The following TLL1 variants were observed in gnomAD, a reference collection of about 807,000 sequenced individuals.
TLL1 encodes the protein tolloid like 1, also known as tolloid-like protein 1.
A neutral mutation model predicts 128.2 loss-of-function variants in TLL1; 49 were observed. The ratio of observed to expected loss-of-function variants is 0.38; its 90% CI spans 0.30 to 0.48. The LOEUF (loss-of-function observed/expected upper bound fraction) is 0.48, where lower values mean the gene tolerates loss of function less well. TLL1 is among the 20% of genes least tolerant of loss of function. TLL1 has a pLI of 0.96. For synonymous variants in TLL1, 454 were observed against 418.8 expected (o/e 1.08, Z -1.03); for missense variants, 1,123 against 1,242.0 (o/e 0.90, Z 1.44).
chr4:165,963,393 C>T (rs1052099366), intron 1 of TLL1, among the ~76,000 whole-genome samples: 2 of 152,110 alleles, frequency 1.3e-5, no homozygotes, highest in Non-Finnish European at 2.9e-5. Flanking sequence ...ATTCCATATT[C>T]TTGAACAAAG....
chr4:166,024,703 T>A (rs1738413111), intron 8 of TLL1, among the ~76,000 whole-genome samples: 1 of 152,222 alleles, frequency 6.6e-6, no homozygotes, highest in Non-Finnish European at 1.5e-5. Flanking sequence ...ATTGCTTTTT[T>A]AGCAATTTCT....
chr4:166,003,902 T>C (rs1261641313), intron 6 of TLL1, among the ~76,000 whole-genome samples: 2 of 152,176 alleles, frequency 1.3e-5, no homozygotes, highest in South Asian at 2.1e-4. Flanking sequence ...AAGCATTTTT[T>C]GTACTTAGTT....
intron 5 of TLL1, 39 bp from the exon 6 acceptor site, chr4:166,003,352 A>G (rs776787827): frequency 6.2e-7 from 1 of 1,610,720 alleles, no homozygotes; most frequent in East Asian, 2.2e-5. Flanking sequence ...GTCCAGCACC[A>G]CCTTTCCACC....
chr4:165,883,148 C>G (rs371288393), intron 1 of TLL1, among the ~76,000 whole-genome samples: 54 of 152,066 alleles, frequency 3.6e-4, no homozygotes, highest in African/African-American at 1.3e-3. Flanking sequence ...CTGTATGCTT[C>G]AAAAACAAGT....
intron 1 of TLL1, among the ~76,000 whole-genome samples, chr4:165,907,135 A>G (rs1732296705): frequency 6.6e-6 from 1 of 152,202 alleles, no homozygotes; most frequent in Admixed American, 6.5e-5. Flanking sequence ...AAGAACATAC[A>G]GTTTTGTGTT....
At chr4:165,984,702 G>T (rs1736321446) in intron 1 of TLL1, among the ~76,000 whole-genome samples, 1 of 151,934 alleles carries the variant, frequency 6.6e-6, no homozygotes, top group African/African-American at 2.4e-5. Context: ...TCAAGATAAT[G>T]AATCTTCTAG....
chr4:165,995,274 C>T (rs921278477), intron 5 of TLL1, 96 bp downstream of exon 5: 4 of 996,728 alleles, frequency 4.0e-6, no homozygotes, highest in Non-Finnish European at 6.4e-6. Context: ...TTAAGATTTG[C>T]TTTGTATTTT....
rs761364561 is a variant in TLL1, at chr4:165,992,847, C to T, written c.324C>T (p.Leu108=). The part of the protein sequence containing the change: ...DHAMSKKRGA[L]YQLIDRIRRI... ...CTATGTCAAAGAAGCGAGGGGCCCT[C>T]TACCAACTTATAGACAGGATAAGAA... The change falls in exon 3 of 21, where the codon CTC becomes CTT. Residue 108 remains leucine, a synonymous_variant. Coordinates refer to ENST00000061240, the MANE Select transcript of TLL1 (RefSeq NM_012464.5). The T allele has an allele frequency of 3.1e-6, 5 of 1,613,336 alleles. No homozygotes were observed. The highest frequency in any genetic ancestry group is 2.5e-6 in the Non-Finnish European group (3 of 1,179,454).
At chr4:165,921,135 A>G (rs904577805) in intron 1 of TLL1, among the ~76,000 whole-genome samples, 4 of 152,086 alleles carry the variant, frequency 2.6e-5, no homozygotes, top group African/African-American at 7.2e-5. Context: ...TGTCCTGCCT[A>G]CCCTCCTGGG....
intron 9 of TLL1, among the ~76,000 whole-genome samples, chr4:166,029,404 C>A (rs1029450177): frequency 1.3e-5 from 2 of 151,876 alleles, no homozygotes; most frequent in Admixed American, 1.3e-4. Flanking sequence ...TTTAATCAAG[C>A]AAATGAGACA....
At chr4:166,040,935 T>C (rs534162863) in intron 10 of TLL1, among the ~76,000 whole-genome samples, 2 of 152,354 alleles carry the variant, frequency 1.3e-5, no homozygotes, top group South Asian at 2.1e-4. Context: ...TTATTGCATG[T>C]GCTTTGTTAT....
intron 1 of TLL1, among the ~76,000 whole-genome samples, chr4:165,959,929 A>C (rs1735013377): frequency 6.6e-6 from 1 of 152,094 alleles, no homozygotes; most frequent in Non-Finnish European, 1.5e-5. Flanking sequence ...ACACCAAAGG[A>C]ACTAAAGAAA....
chr4:166,026,225 C>T (rs1579641126), intron 9 of TLL1, among the ~76,000 whole-genome samples: 1 of 150,836 alleles, frequency 6.6e-6, no homozygotes, highest in Admixed American at 6.6e-5. Flanking sequence ...CCTGTCTCTA[C>T]TAAAAATACA....
chr4:165,881,667 C>T (rs1038199377), intron 1 of TLL1, among the ~76,000 whole-genome samples: 3 of 152,146 alleles, frequency 2.0e-5, no homozygotes, highest in Non-Finnish European at 4.4e-5. Flanking sequence ...TGAGAAGTTA[C>T]GAGTGAAATA....
intron 1 of TLL1, among the ~76,000 whole-genome samples, chr4:165,918,463 C>T (rs1461350933): frequency 6.6e-6 from 1 of 152,068 alleles, no homozygotes; most frequent in Non-Finnish European, 1.5e-5. Context: ...ATCCCAGATG[C>T]ATGAAATTAG....
intron 18 of TLL1, among the ~76,000 whole-genome samples, chr4:166,087,119 A>G (rs1241304267): frequency 1.1e-4 from 16 of 152,142 alleles, no homozygotes. Context: ...TTACCTTTTG[A>G]ATTAATGTTC....
At chr4:165,989,342 G>T (rs1352982010) in intron 1 of TLL1, 39 bp from the exon 2 acceptor site, 1 of 1,456,342 alleles carries the variant, frequency 6.9e-7, no homozygotes, top group African/African-American at 1.4e-5. Context: ...TGATTTCACG[G>T]AAATATTTTA....
intron 12 of TLL1, among the ~76,000 whole-genome samples, chr4:166,049,810 TA>T (rs1739629464): frequency 6.6e-6 from 1 of 151,788 alleles, no homozygotes; most frequent in Non-Finnish European, 1.5e-5. Context: ...TTTCTCATTA[TA>T]AAAATTATTT....
chr4:166,004,596 G>A (rs1013846176), intron 6 of TLL1, among the ~76,000 whole-genome samples: 11 of 152,124 alleles, frequency 7.2e-5, no homozygotes, highest in Non-Finnish European at 1.3e-4. Flanking sequence ...TGAGTCAAGG[G>A]AGTTGTAAAG....
Sources: allele counts gnomAD v4.1 joint callset (sites outside exome capture counted in the v4.1 genomes callset), GRCh38; gene constraint gnomAD v4.1.1; transcripts MANE v1.5; gene names NCBI Gene and HGNC (gene_info 2026-07-23, HGNC 2026-07-21).